CCND3: variants seen among roughly 807,000 people sequenced by gnomAD.
The protein encoded by CCND3 is G1/S-specific cyclin-D3.
In CCND3, 9 loss-of-function variants were observed where a neutral mutation model predicts 28.7. That is an observed-to-expected ratio of 0.31 (90% CI 0.19 to 0.55). CCND3 has a LOEUF of 0.55. Among genes scored for constraint, CCND3 ranks in the 20% least tolerant of loss-of-function variants. The pLI is 0.93. For missense variants in CCND3, 315 were observed against 385.8 expected, an observed-to-expected ratio of 0.82 and a Z score of 1.54; for synonymous variants, 164 against 163.9, an observed-to-expected ratio of 1.00 and a Z score of 0.00.
intron 1 of CCND3, among the ~76,000 whole-genome samples, chr6:41,963,986 C>T (rs1242685028): frequency 6.6e-6 from 1 of 152,196 alleles, no homozygotes; most frequent in Non-Finnish European, 1.5e-5. Flanking sequence ...CTTTACCCTG[C>T]CATATCCCCA....
intron 1 of CCND3, among the ~76,000 whole-genome samples, chr6:41,990,407 A>G (rs1350454424): frequency 6.6e-6 from 1 of 152,152 alleles, no homozygotes; most frequent in Non-Finnish European, 1.5e-5. Context: ...CTATCTATCA[A>G]CATGTCAGTA....
At chr6:41,998,028 C>T (rs1762862466) in intron 1 of CCND3, among the ~76,000 whole-genome samples, 1 of 151,018 alleles carries the variant, frequency 6.6e-6, no homozygotes, top group Non-Finnish European at 1.5e-5. Flanking sequence ...TGGTGGCGCT[C>T]CTGTAATCCC....
At chr6:41,966,401 A>G (rs766215800) in intron 1 of CCND3, among the ~76,000 whole-genome samples, 33 of 152,088 alleles carry the variant, frequency 2.2e-4, no homozygotes, top group Non-Finnish European at 3.1e-4. Flanking sequence ...AGCCTGGGCG[A>G]CAGTGAAACC....
chr6:42,002,058 T>A lies in CCND3; in HGVS notation c.-46+46443A>T, dbSNP rs573012098. 2.7e-5 allele frequency among the ~76,000 whole-genome samples: 4 copies of A among 150,270 alleles called. No individual in the cohort carries two copies. In the East Asian group the frequency reaches 5.9e-4, roughly 22 times the overall value. On this transcript the variant is annotated intron_variant, in intron 1 of 4. Coordinates refer to the CCND3 transcript ENST00000372988. ...TGAACCTGGGAGACAGAGGTTGCAGTGAGCTGAGAAAGCGCCATTGTACTC... is the reference window on the plus strand; with the variant it reads ...TGAACCTGGGAGACAGAGGTTGCAGAGAGCTGAGAAAGCGCCATTGTACTC...
At chr6:41,981,100 A>G (rs1484007679) in intron 1 of CCND3, among the ~76,000 whole-genome samples, 1 of 143,548 alleles carries the variant, frequency 7.0e-6, no homozygotes. Context: ...GTTTGAAGAT[A>G]AAATTATTAT....
At chr6:41,976,489 T>C (rs1762191672) in intron 1 of CCND3, among the ~76,000 whole-genome samples, 2 of 151,492 alleles carry the variant, frequency 1.3e-5, no homozygotes, top group South Asian at 4.2e-4. Context: ...ACCATCTCCA[T>C]GAAAACTTCA....
rs914924806 is a variant in CCND3, at chr6:41,969,385, G to A, written c.-45-28800C>T. On this transcript the variant is annotated intron_variant, in intron 1 of 4. Coordinates refer to the CCND3 transcript ENST00000372988. ...ACAAAAATTAGCTGGGCATAGTGGC[G>A]CACGCCTGTAATCCCAGCTACTCGG... 2.6e-5 allele frequency among the ~76,000 whole-genome samples: 4 copies of A among 151,112 alleles called. No homozygotes were observed. In the East Asian group the frequency reaches 5.9e-4, roughly 22 times the overall value.
At chr6:42,008,658 G>A (rs1158453623) in intron 1 of CCND3, among the ~76,000 whole-genome samples, 1 of 152,214 alleles carries the variant, frequency 6.6e-6, no homozygotes, top group East Asian at 1.9e-4. Flanking sequence ...TCCCAACAGA[G>A]CTGACTGCTG....
chr6:42,032,986 T>A (rs920504375), intron 1 of CCND3, among the ~76,000 whole-genome samples: 1 of 152,176 alleles, frequency 6.6e-6, no homozygotes, highest in Non-Finnish European at 1.5e-5. Context: ...ACTTTGAGAG[T>A]GATGCCTCCC....
intron 1 of CCND3, among the ~76,000 whole-genome samples, chr6:41,974,988 T>C (rs780650909): frequency 7.2e-5 from 11 of 151,900 alleles, no homozygotes; most frequent in Non-Finnish European, 1.3e-4. Flanking sequence ...GAGACAGGGT[T>C]TCACTGTGTT....
At chr6:41,981,584 C>T (rs552996191) in intron 1 of CCND3, among the ~76,000 whole-genome samples, 1 of 151,822 alleles carries the variant, frequency 6.6e-6, no homozygotes, top group African/African-American at 2.4e-5. Context: ...AGTGCAGTGG[C>T]GTGTTCTCGG....
chr6:41,994,284 A>G (rs906215672), intron 1 of CCND3, among the ~76,000 whole-genome samples: 1 of 152,008 alleles, frequency 6.6e-6, no homozygotes, highest in Non-Finnish European at 1.5e-5. Flanking sequence ...GGGGTGTAGG[A>G]GGCTATTCCA....
intron 1 of CCND3, among the ~76,000 whole-genome samples, chr6:41,978,558 C>A (rs889872526): frequency 3.3e-5 from 5 of 151,982 alleles, no homozygotes; most frequent in African/African-American, 1.2e-4. Flanking sequence ...CAACAACAAA[C>A]CCCTCAAAAC....
intron 1 of CCND3, among the ~76,000 whole-genome samples, chr6:41,946,924 A>C (rs1776186107): frequency 6.6e-6 from 1 of 152,034 alleles, no homozygotes; most frequent in Non-Finnish European, 1.5e-5. Context: ...ATCTTTACTA[A>C]AAATACAAAA....
chr6:42,019,402 T>C lies in CCND3; in HGVS notation c.-46+29099A>G, dbSNP rs1763631923. On this transcript the variant is annotated intron_variant, in intron 1 of 4. Transcript: ENST00000372988. Reference sequence around the variant, plus strand: ...TACTTGGGAGGCTGAGGCAGGAGAATTGCTTGAACCCGGGAGATGGAGGTT... The same window carrying C: ...TACTTGGGAGGCTGAGGCAGGAGAACTGCTTGAACCCGGGAGATGGAGGTT... Among the ~76,000 whole-genome samples, 3 of 150,276 alleles carry C rather than the reference T, an allele frequency of 2.0e-5. 1 individual carries two copies. In the Admixed American group the frequency reaches 2.0e-4, roughly 10 times the overall value.
intron 1 of CCND3, among the ~76,000 whole-genome samples, chr6:41,976,213 A>T (rs1174725859): frequency 6.6e-6 from 1 of 152,066 alleles, no homozygotes; most frequent in Non-Finnish European, 1.5e-5. Context: ...TTAGCTGGGC[A>T]TGGTGGCACA....
intron 2 of CCND3, chr6:41,937,623 GCTTTACATGGATTATCCCT>G (rs1775851704): frequency 3.4e-6 from 2 of 581,228 alleles, no homozygotes; most frequent in South Asian, 4.1e-5. Context: ...AGGACAACAT[GCTTTACATGGATTATCCCT>G]TTTAATCCTG....
chr6:42,049,193 G>A (rs894760254), upstream of CCND3, among the ~76,000 whole-genome samples: 1 of 152,232 alleles, frequency 6.6e-6, no homozygotes, highest in Admixed American at 6.5e-5. Flanking sequence ...ACGCCGCCAC[G>A]CCCGGCTAAT....
intron 1 of CCND3, among the ~76,000 whole-genome samples, chr6:41,990,894 T>C (rs959720344): frequency 6.6e-6 from 1 of 151,896 alleles, no homozygotes; most frequent in African/African-American, 2.4e-5. Flanking sequence ...TTGGCCAGAC[T>C]GGTTTTGAAC....
Sources: allele counts gnomAD v4.1 joint callset (sites outside exome capture counted in the v4.1 genomes callset), GRCh38; gene constraint gnomAD v4.1.1; transcripts MANE v1.5; gene names NCBI Gene and HGNC (gene_info 2026-07-23, HGNC 2026-07-21).